KANK1: variants seen among roughly 807,000 people sequenced by gnomAD.
The protein encoded by KANK1 is KN motif and ankyrin repeat domains 1.
A neutral mutation model predicts 106.2 loss-of-function variants in KANK1; 109 were observed. That is an observed-to-expected ratio of 1.03 (90% CI 0.88 to 1.20). KANK1 has a LOEUF of 1.20. Ranked by LOEUF, KANK1 falls within the 50% of genes most tolerant of loss-of-function variation. The probability of loss-of-function intolerance (pLI) is 0.00; values close to 1 mark genes in which losing one functional copy is unlikely to be tolerated. For missense variants in KANK1, 2,399 were observed against 1,710.7 expected (o/e 1.40, Z -7.10); for synonymous variants, 873 against 652.2 (o/e 1.34, Z -5.16).
At chr9:559,782 A>T (rs911091883) in intron 1 of KANK1, among the ~76,000 whole-genome samples, 25 of 152,170 alleles carry the variant, frequency 1.6e-4, no homozygotes, top group African/African-American at 5.8e-4. Flanking sequence ...ACAAGATTTG[A>T]GTTTTCTCGG....
At chr9:616,495 T>C (rs1831857672) in intron 1 of KANK1, among the ~76,000 whole-genome samples, 1 of 152,192 alleles carries the variant, frequency 6.6e-6, no homozygotes, top group Non-Finnish European at 1.5e-5. Flanking sequence ...TTTACACATA[T>C]AAATCAAAGA....
rs140316031 is a variant in KANK1 at position 612,609 on chromosome 9, A to C, written c.-83-64281A>C. On this transcript the variant is annotated intron_variant, in intron 1 of 11. Transcript: ENST00000382297. Reference sequence around the variant, plus strand: ...ATCATTTGGAATACATAGGTCAACTATCTAGGAATGGGACAAAGTACAGAA... The same window carrying C: ...ATCATTTGGAATACATAGGTCAACTCTCTAGGAATGGGACAAAGTACAGAA... Among the ~76,000 whole-genome samples, 271 of 152,330 alleles carry C rather than the reference A, an allele frequency of 1.8e-3. 1 individual carries two copies. The highest frequency in any genetic ancestry group is 5.8e-3 in the African/African-American group (240 of 41,570).
Position 744,495 on chromosome 9 carries a change from G to GCA in KANK1, c.3903_3904dup (p.Ser1302ThrfsTer97). The GCA allele has an allele frequency of 6.2e-7, 1 of 1,613,054 alleles. No individual in the cohort carries two copies. Among genetic ancestry groups the GCA allele is most frequent in the Non-Finnish European group, 8.5e-7 (1 of 1,179,236 alleles). On this transcript the variant is annotated frameshift_variant, in exon 11 of 12. Coordinates refer to ENST00000382297, the MANE Select transcript of KANK1 (RefSeq NM_015158.5). LOFTEE classifies it high-confidence loss of function. ...TTCTTTCCATCTTATCTTAAGGATG[G>GCA]CAGCACTGCGCTCTCAATCGCCCTG...
chr9:531,514 AG>A (rs1164357602), intron 1 of KANK1, among the ~76,000 whole-genome samples: 2 of 152,194 alleles, frequency 1.3e-5, no homozygotes, highest in African/African-American at 4.8e-5. Context: ...GAAGAGAAAA[AG>A]CAATTAAATA....
chr9:580,737 C>A (rs1010231465), intron 1 of KANK1, among the ~76,000 whole-genome samples: 3 of 152,262 alleles, frequency 2.0e-5, no homozygotes, highest in African/African-American at 7.2e-5. Flanking sequence ...GGGCCGCAGG[C>A]GGAGCTGCCT....
chr9:561,211 A>G, intron 1 of KANK1, among the ~76,000 whole-genome samples: 1 of 152,224 alleles, frequency 6.6e-6, no homozygotes, highest in East Asian at 1.9e-4. Context: ...ATTTATGGGT[A>G]GACATAAGAA....
intron 3 of KANK1, among the ~76,000 whole-genome samples, chr9:499,389 AATAT>A: frequency 6.6e-6 from 1 of 152,310 alleles, no homozygotes; most frequent in Non-Finnish European, 1.5e-5. Context: ...CACACAATAG[AATAT>A]TGTCCAGCAA....
chr9:544,714 A>T (rs2060825802), intron 1 of KANK1, among the ~76,000 whole-genome samples: 1 of 137,830 alleles, frequency 7.3e-6, no homozygotes, highest in Non-Finnish European at 1.5e-5. Flanking sequence ...CTGTTGGGTG[A>T]GGTGGAGTTC....
chr9:636,746 A>C (rs904348608), intron 1 of KANK1, among the ~76,000 whole-genome samples: 1 of 152,208 alleles, frequency 6.6e-6, no homozygotes, highest in African/African-American at 2.4e-5. Flanking sequence ...GTGTGCTTGT[A>C]ATCCCAGCTA....
intron 1 of KANK1, among the ~76,000 whole-genome samples, chr9:662,292 C>T (rs1028407025): frequency 3.9e-5 from 6 of 152,146 alleles, no homozygotes; most frequent in South Asian, 2.1e-4. Flanking sequence ...CATCAAGCTA[C>T]CAATGACTTT....
intron 1 of KANK1, among the ~76,000 whole-genome samples, chr9:528,334 G>C (rs1232954766): frequency 6.6e-6 from 1 of 151,536 alleles, no homozygotes; most frequent in Non-Finnish European, 1.5e-5. Flanking sequence ...TTCTAATGTT[G>C]GTGGTCCTTC....
chr9:645,459 A>T (rs1292879712), intron 1 of KANK1, among the ~76,000 whole-genome samples: 1 of 148,866 alleles, frequency 6.7e-6, no homozygotes, highest in East Asian at 1.9e-4. Context: ...AAAAAAAAAA[A>T]AAGGCCTTAA....
Position 691,423 on chromosome 9 carries a change from TTTA to T in KANK1, c.37+14423_37+14425del, listed in dbSNP as rs1358123437. Among the ~76,000 whole-genome samples the T allele has an allele frequency of 1.7e-3, 258 of 150,160 alleles. 1 individual carries two copies. Among genetic ancestry groups the T allele is most frequent in the African/African-American group, 5.9e-3 (244 of 41,176 alleles). ...GTGTGTGTATATATATATATATTTA[TTTA>T]TTATTATTTTTTTTAATAGAGACAA... On this transcript the variant is annotated intron_variant, in intron 2 of 11. Transcript: ENST00000382297.
chr9:579,251 C>T (rs1821400680), intron 1 of KANK1, among the ~76,000 whole-genome samples: 1 of 152,046 alleles, frequency 6.6e-6, no homozygotes, highest in Non-Finnish European at 1.5e-5. Flanking sequence ...GCTCCCGTAG[C>T]ACAGCTGGGT....
chr9:707,274 CGGCCACCGCT>C (rs1308603507), intron 2 of KANK1: 3 of 974,826 alleles, frequency 3.1e-6, no homozygotes, highest in African/African-American at 1.8e-5. Context: ...CGGCGTGGGG[CGGCCACCGCT>C]GGCCGAATTC....
Position 732,620 on chromosome 9 carries a change from G to A in KANK1, c.3245+3G>A, listed in dbSNP as rs376641415. On this transcript the variant is annotated splice_donor_region_variant and intron_variant, in intron 6 of 11. Transcript: ENST00000382297. ...GAGAAGGTGGAAATCAGAGAGAGGTGTGGTACATTCCCCTTCCCTCCCTTG... is the reference window on the plus strand; with the variant it reads ...GAGAAGGTGGAAATCAGAGAGAGGTATGGTACATTCCCCTTCCCTCCCTTG... 1 of 1,613,164 alleles carries A rather than the reference G, an allele frequency of 6.2e-7. No individual in the cohort carries two copies. The highest frequency in any genetic ancestry group is 8.5e-7 in the Non-Finnish European group (1 of 1,179,228).
At chr9:583,543 A>G (rs1822694178) in intron 1 of KANK1, among the ~76,000 whole-genome samples, 1 of 152,084 alleles carries the variant, frequency 6.6e-6, no homozygotes. Flanking sequence ...GTATCCTTCT[A>G]TGAAGGATCC....
intron 2 of KANK1, chr9:684,320 C>G (rs932109548): frequency 2.0e-6 from 2 of 985,366 alleles, no homozygotes; most frequent in Non-Finnish European, 1.2e-6. Context: ...AATCTGTGCT[C>G]CTGCTCCTGG....
intron 1 of KANK1, chr9:549,075 C>A (rs1056978520): frequency 6.6e-6 from 1 of 151,672 alleles, no homozygotes; most frequent in African/African-American, 2.4e-5. Flanking sequence ...TCTAAAGTTT[C>A]TTTTCTTTTT....
Sources: gnomAD v4.1 joint callset for allele counts (sites outside exome capture counted in the v4.1 genomes callset) on GRCh38, gnomAD v4.1.1 for gene constraint, MANE v1.5 for transcripts, NCBI Gene and HGNC (gene_info 2026-07-23, HGNC 2026-07-21) for gene names.